The following SLC39A11 variants were observed in gnomAD, a reference collection of about 807,000 sequenced individuals.
The protein encoded by SLC39A11 is zinc transporter ZIP11.
Under a neutral mutation model 36.1 loss-of-function variants are expected in SLC39A11, and 33 were observed. That is an observed-to-expected ratio of 0.91 (90% CI 0.69 to 1.22). SLC39A11 has a LOEUF of 1.22. Ranked by LOEUF, SLC39A11 falls within the 50% of genes most tolerant of loss-of-function variation. The pLI, the probability that SLC39A11 is intolerant of heterozygous loss-of-function variation, is 0.00. For missense variants in SLC39A11, 432 were observed against 430.3 expected (o/e 1.00, Z -0.03); for synonymous variants, 166 against 170.3 (o/e 0.97, Z 0.20).
intron 6 of SLC39A11, among the ~76,000 whole-genome samples, chr17:72,743,470 C>A (rs2074801447): frequency 6.6e-6 from 1 of 152,190 alleles, no homozygotes; most frequent in Admixed American, 6.5e-5. Context: ...GCAGGTCCTT[C>A]CTCTCAGGTC....
chr17:72,889,180 G>A (rs2081592386), intron 5 of SLC39A11, among the ~76,000 whole-genome samples: 1 of 152,112 alleles, frequency 6.6e-6, no homozygotes, highest in South Asian at 2.1e-4. Context: ...CATTAATTTA[G>A]TTACAGATGT....
At chr17:72,733,986 C>A (rs1379829211) in intron 7 of SLC39A11, among the ~76,000 whole-genome samples, 3 of 152,154 alleles carry the variant, frequency 2.0e-5, no homozygotes, top group Admixed American at 2.0e-4. Flanking sequence ...ACAACACTGG[C>A]CCCGACCTGC....
intron 5 of SLC39A11, among the ~76,000 whole-genome samples, chr17:72,858,016 T>C (rs2079750247): frequency 1.3e-5 from 2 of 152,230 alleles, no homozygotes; most frequent in South Asian, 4.1e-4. Flanking sequence ...TTTGTTGCAA[T>C]TGCTTTTGGG....
intron 3 of SLC39A11, among the ~76,000 whole-genome samples, chr17:73,051,415 AT>A (rs1371658146): frequency 2.0e-5 from 3 of 152,050 alleles, no homozygotes; most frequent in Non-Finnish European, 4.4e-5. Context: ...GGGTGAGGAC[AT>A]TTTCCAACCC....
intron 3 of SLC39A11, among the ~76,000 whole-genome samples, chr17:73,084,491 G>A (rs1242750921): frequency 6.8e-6 from 1 of 146,118 alleles, no homozygotes; most frequent in Non-Finnish European, 1.5e-5. Flanking sequence ...TTTTAAGGGA[G>A]AAGGGGAGGA....
intron 7 of SLC39A11, among the ~76,000 whole-genome samples, chr17:72,721,616 T>C (rs556666035): frequency 6.6e-6 from 1 of 152,276 alleles, no homozygotes; most frequent in East Asian, 1.9e-4. Context: ...AGATGCAGGA[T>C]GTGGCCCTGA....
intron 5 of SLC39A11, among the ~76,000 whole-genome samples, chr17:72,931,424 C>T (rs2084388119): frequency 6.6e-6 from 1 of 152,224 alleles, no homozygotes; most frequent in Non-Finnish European, 1.5e-5. Flanking sequence ...GCTACTGCAT[C>T]TGTTCACCTG....
intron 5 of SLC39A11, among the ~76,000 whole-genome samples, chr17:72,908,432 G>A (rs991716385): frequency 7.9e-5 from 12 of 152,288 alleles, no homozygotes; most frequent in African/African-American, 2.2e-4. Context: ...TGGCCACTTC[G>A]GGGCCAAAAC....
chr17:73,021,635 C>T (rs1440743173), intron 4 of SLC39A11, among the ~76,000 whole-genome samples: 8 of 152,126 alleles, frequency 5.3e-5, no homozygotes, highest in African/African-American at 1.9e-4. Flanking sequence ...CCTCTTTCCC[C>T]TTCCATACTC....
chr17:72,889,750 G>A (rs2081629795), intron 5 of SLC39A11, among the ~76,000 whole-genome samples: 1 of 152,112 alleles, frequency 6.6e-6, no homozygotes, highest in Non-Finnish European at 1.5e-5. Context: ...ACTGTCACCA[G>A]TAATTTTATC....
In SLC39A11 at chr17:72,789,905, G is replaced by A. The variant is rs568216536; in HGVS notation, c.602-53186C>T. Among the ~76,000 whole-genome samples the A allele has an allele frequency of 2.4e-4, 36 of 152,296 alleles. No homozygotes were observed. In the South Asian group the frequency reaches 2.7e-3, roughly 11 times the overall value. ...ACCTTCCATGTCTGGTCTGGCAAAC[G>A]TGGAGATGCTTGGGCAGGGAATTTA... On this transcript the variant is annotated intron_variant, in intron 6 of 9. Transcript: ENST00000255559.
intron 5 of SLC39A11, among the ~76,000 whole-genome samples, chr17:72,882,289 G>A (rs62071231): frequency 0.065 from 9,882 of 151,646 alleles, 336 homozygotes; most frequent in Middle Eastern, 0.11. Flanking sequence ...CCAAGAGGTG[G>A]AGGTTGCAGT....
At chr17:72,958,471 T>A (rs573948700) in intron 4 of SLC39A11, among the ~76,000 whole-genome samples, 10 of 152,190 alleles carry the variant, frequency 6.6e-5, no homozygotes, top group African/African-American at 2.4e-4. Context: ...AGGACCAATA[T>A]CCAGGATCTA....
chr17:72,658,992 A>C (rs1289161639), intron 7 of SLC39A11, among the ~76,000 whole-genome samples: 4 of 152,052 alleles, frequency 2.6e-5, no homozygotes, highest in Non-Finnish European at 5.9e-5. Context: ...CCACACACCA[A>C]TTTCTTCTAC....
chr17:72,838,147 A>T (rs2078649331), intron 6 of SLC39A11: 1 of 413,494 alleles, frequency 2.4e-6, no homozygotes, highest in Non-Finnish European at 4.2e-6. Flanking sequence ...AAAATTAAAA[A>T]TTAAAAAGAT....
chr17:72,950,627 T>C (rs572306391), intron 4 of SLC39A11, among the ~76,000 whole-genome samples: 5 of 152,352 alleles, frequency 3.3e-5, no homozygotes, highest in Admixed American at 1.3e-4. Flanking sequence ...CTTTGTCTTC[T>C]TTCTTTTTAT....
At chr17:72,975,620 A>T (rs1411836447) in intron 4 of SLC39A11, among the ~76,000 whole-genome samples, 1 of 152,204 alleles carries the variant, frequency 6.6e-6, no homozygotes, top group African/African-American at 2.4e-5. Context: ...CAGACCTGTG[A>T]GAAATAAATG....
chr17:72,717,082 G>A (rs970449264), intron 7 of SLC39A11, among the ~76,000 whole-genome samples: 30 of 135,088 alleles, frequency 2.2e-4, no homozygotes, highest in African/African-American at 8.1e-4. Context: ...ATAAGTATAT[G>A]TATATATGTA....
chr17:72,788,865 G>A (rs547722739), intron 6 of SLC39A11, among the ~76,000 whole-genome samples: 3 of 152,342 alleles, frequency 2.0e-5, no homozygotes, highest in African/African-American at 7.2e-5. Flanking sequence ...GGAGGTGACT[G>A]TCAGAAACCA....
Sources: gnomAD v4.1 joint callset for allele counts (sites outside exome capture counted in the v4.1 genomes callset) on GRCh38, gnomAD v4.1.1 for gene constraint, MANE v1.5 for transcripts, NCBI Gene and HGNC (gene_info 2026-07-23, HGNC 2026-07-21) for gene names.